Variants in COL9A2 observed in about 807,000 individuals in gnomAD.
The protein encoded by COL9A2 is collagen type IX alpha 2 chain, also known as collagen alpha-2(IX) chain.
In COL9A2, 66 loss-of-function variants were observed where a neutral mutation model predicts 111.6. The ratio of observed to expected loss-of-function variants is 0.59; its 90% CI spans 0.48 to 0.73. The LOEUF (loss-of-function observed/expected upper bound fraction) is 0.73, where lower values mean the gene tolerates loss of function less well. Ranked by LOEUF, COL9A2 falls within the 30% of genes least tolerant of loss-of-function variation. The pLI, the probability that COL9A2 is intolerant of heterozygous loss-of-function variation, is 0.00. For missense variants in COL9A2, 881 were observed against 954.1 expected (o/e 0.92, Z 1.01); for synonymous variants, 353 against 364.1 (o/e 0.97, Z 0.35).
At chr1:40,304,742 T>C (rs369750252) in intron 22 of COL9A2, 52 bp downstream of exon 22, 1 of 1,504,178 alleles carries the variant, frequency 6.6e-7, no homozygotes, top group African/African-American at 1.4e-5. Flanking sequence ...TATCCAGCAG[T>C]GCCAGCTGCC....
rs748275707 is a variant in COL9A2, at chr1:40,305,699, T to A, written c.1107+16A>T. ...CCTAAAGCAGGAACCCTTGTGTCAG[T>A]GCAGGGGGCATTTACCTCTTTCCCA... On this transcript the variant is annotated intron_variant, in intron 21 of 31. Coordinates refer to ENST00000372748, the MANE Select transcript of COL9A2 (RefSeq NM_001852.4). 6 of 1,613,346 alleles carry A rather than the reference T, an allele frequency of 3.7e-6. No homozygotes were observed. The South Asian group carries it at 5.5e-5, about 15-fold the overall frequency.
At position 40,301,198 on chromosome 1, in the gene COL9A2, G is replaced by T. The variant is rs761675654; in HGVS notation, c.2054C>A (p.Ser685Tyr). ...YASARLTEPG[S>Y]IKGP ...GCCTGATGCTCAAGGCCCCTTGATG[G>T]ATCCAGGCTCTGTAAGGCGGGCAGA... The change falls in exon 32 of 32, where the codon TCC (serine) becomes TAC (tyrosine). Residue 685 changes from serine (S) to tyrosine (Y), a missense_variant. By Grantham distance (144) the Ser-to-Tyr change is moderately radical. Coordinates refer to ENST00000372748, the MANE Select transcript of COL9A2 (RefSeq NM_001852.4). 5.6e-6 allele frequency: 9 copies of T among 1,613,692 alleles called. No homozygotes were observed. The South Asian group carries it at 9.9e-5, about 18-fold the overall frequency.
At position 40,303,865 on chromosome 1, in the gene COL9A2, C is replaced by G. The variant is rs1365606717; in HGVS notation, c.1369-26G>C. 1.9e-6 allele frequency: 3 copies of G among 1,549,808 alleles called. No individual in the cohort carries two copies. The highest frequency in any genetic ancestry group is 2.4e-5 in the East Asian group (1 of 41,108). ...CTGCAGGCACAAGGAGCAGCGGTCACGAAGCCGCGGGGACCCCGGGGCCAG... is the reference window on the plus strand; with the variant it reads ...CTGCAGGCACAAGGAGCAGCGGTCAGGAAGCCGCGGGGACCCCGGGGCCAG... On this transcript the variant is annotated intron_variant, in intron 26 of 31. Coordinates refer to ENST00000372748, the MANE Select transcript of COL9A2 (RefSeq NM_001852.4). This position sits in a 1 kb window ranked among gnomAD's most constrained non-coding sequence, Gnocchi z 4.6.
At position 40,311,557 on chromosome 1, in the gene COL9A2, G is replaced by T. The variant is rs372390684; in HGVS notation, c.472-10C>A. Reference sequence around the variant, plus strand: ...TGGTTCCCGGGCGACCCTGAGAGGAGACATGAAGATGGAGCTTGGCCTGAC... The same window carrying T: ...TGGTTCCCGGGCGACCCTGAGAGGATACATGAAGATGGAGCTTGGCCTGAC... On this transcript the variant is annotated splice_polypyrimidine_tract_variant and intron_variant, in intron 9 of 31. Coordinates refer to ENST00000372748, the MANE Select transcript of COL9A2 (RefSeq NM_001852.4). This position sits in a 1 kb window ranked among gnomAD's most constrained non-coding sequence, Gnocchi z 5.1. The T allele has an allele frequency of 2.0e-5, 33 of 1,613,780 alleles. No individual in the cohort carries two copies. The highest frequency in any genetic ancestry group is 2.5e-5 in the Non-Finnish European group (30 of 1,179,966).
Position 40,317,218 on chromosome 1 carries a change from G to C in COL9A2, c.-21C>G. 6.4e-7 allele frequency: 1 copy of C among 1,559,054 alleles called. No homozygotes were observed. Among genetic ancestry groups the C allele is most frequent in the Non-Finnish European group, 8.7e-7 (1 of 1,151,164 alleles). On this transcript the variant is annotated 5_prime_UTR_variant, in exon 1 of 32. Transcript: ENST00000372748. This position sits in a 1 kb window ranked among gnomAD's most constrained non-coding sequence, Gnocchi z 4.3. ...GCCATGGCTGGCGGCGAGACCAAGG[G>C]GGACGGGTGCGTGTCCGCGCACGCA...
At chr1:40,305,057 C>CT (rs1644002903) in intron 21 of COL9A2, 5 of 278,366 alleles carry the variant, frequency 1.8e-5, no homozygotes, top group Non-Finnish European at 2.0e-5. Flanking sequence ...TCATTTCTTT[C>CT]TTTCTTTTTT....
Position 40,303,079 on chromosome 1 carries a change from G to C in COL9A2, c.1603+52C>G, listed in dbSNP as rs1643940116. On this transcript the variant is annotated intron_variant, in intron 29 of 31. Coordinates refer to ENST00000372748, the MANE Select transcript of COL9A2 (RefSeq NM_001852.4). The surrounding 1 kb of genome is among the most constrained non-coding windows in gnomAD (Gnocchi z 4.6). ...ACGTGGAGGCTCCGGGAGGGGGTGA[G>C]GGGGCGGCGATGCCCTCGAACTGAC... 1 of 1,568,972 alleles carries C rather than the reference G, an allele frequency of 6.4e-7. No individual in the cohort carries two copies. The highest frequency in any genetic ancestry group is 2.3e-5 in the East Asian group (1 of 43,676).
In COL9A2 at chr1:40,301,290, C is replaced by G; in HGVS notation, c.1962G>C (p.Leu654=). The G allele has an allele frequency of 6.2e-7, 1 of 1,613,002 alleles. No homozygotes were observed. The highest frequency in any genetic ancestry group is 8.5e-7 in the Non-Finnish European group (1 of 1,179,416). Reference sequence around the variant, plus strand: ...AGCCCGGCAGCCCCACGGGGCCTGGCAGGCCAGGTCGACCTGCCTCTCCTG... The same window carrying G: ...AGCCCGGCAGCCCCACGGGGCCTGGGAGGCCAGGTCGACCTGCCTCTCCTG... ...GAPGEAGRPG[L]PGPVGLPGFC... is the part of the protein sequence containing the mutation. The change falls in exon 32 of 32, where the codon CTG becomes CTC. Residue 654 remains leucine (L), a synonymous_variant. Transcript: ENST00000372748.
In COL9A2 at chr1:40,317,276, G is replaced by A; in HGVS notation, c.-79C>T. 4 of 1,085,848 alleles carry A rather than the reference G, an allele frequency of 3.7e-6. No individual in the cohort carries two copies. The highest frequency in any genetic ancestry group is 4.1e-6 in the Non-Finnish European group (3 of 734,540). 67.3% of individuals were successfully genotyped at this position (1,085,848 alleles called of 1,614,324 possible). A position where few individuals can be genotyped will look rare whatever the true frequency, so the allele number is the denominator to read the frequency against. On this transcript the variant is annotated 5_prime_UTR_variant, in exon 1 of 32. Coordinates refer to ENST00000372748, the MANE Select transcript of COL9A2 (RefSeq NM_001852.4). The surrounding 1 kb of genome is among the most constrained non-coding windows in gnomAD (Gnocchi z 4.3). The stretch of plus-strand genomic sequence containing the variant: ...CAGAGTCTCCCGGCGCTCCTCCAGC[G>A]CTGGCTGTTCGCGGGCAGGGTGGGC...
chr1:40,316,614 A>C lies in COL9A2; in HGVS notation c.75+509T>G. ...GCGCCCCGCAGGCGAGCTCGAAACC[A>C]CACCCAGCACCCGACCGGGCCCAGT... On this transcript the variant is annotated intron_variant, in intron 1 of 31. Coordinates refer to ENST00000372748, the MANE Select transcript of COL9A2 (RefSeq NM_001852.4). The surrounding 1 kb of genome is among the most constrained non-coding windows in gnomAD (Gnocchi z 5.5). The C allele has an allele frequency of 2.2e-6, 1 of 455,246 alleles. No individual in the cohort carries two copies. Among genetic ancestry groups the C allele is most frequent in the Non-Finnish European group, 4.4e-6 (1 of 226,146 alleles). 28.2% of individuals were successfully genotyped at this position (455,246 alleles called of 1,614,324 possible).
intron 21 of COL9A2, 44 bp downstream of exon 21, chr1:40,305,671 C>T (rs1644017346): frequency 6.3e-7 from 1 of 1,583,608 alleles, no homozygotes; most frequent in African/African-American, 1.3e-5. Flanking sequence ...CCCATGGCCT[C>T]ACCCTAAAGC....
intron 2 of COL9A2, 154 bp downstream of exon 2, chr1:40,315,436 C>G: frequency 6.9e-7 from 1 of 1,442,156 alleles, no homozygotes; most frequent in South Asian, 1.5e-5. Flanking sequence ...GCAGAACAAA[C>G]GGCGTCCTTG....
rs1304961493 is a variant in COL9A2 at position 40,316,992 on chromosome 1, C to T, written c.75+131G>A. ...TATGCACCCACCGAGGGGACCTGCC[C>T]GCGGCGCTGTCCTCAGGTGGCCTCT... On this transcript the variant is annotated intron_variant, in intron 1 of 31. Transcript: ENST00000372748. The surrounding 1 kb of genome is among the most constrained non-coding windows in gnomAD (Gnocchi z 5.5). 1.1e-6 allele frequency: 1 copy of T among 894,106 alleles called. No homozygotes were observed. 55.4% of individuals were successfully genotyped at this position (894,106 alleles called of 1,614,324 possible).
Position 40,310,424 on chromosome 1 carries a change from A to G in COL9A2, c.685-107T>C. Reference sequence around the variant, plus strand: ...ACAGTGCCCTTTTGAGGTAGGCAGCAGAGTCTCTGTCTCATGGATGGGACA... The same window carrying G: ...ACAGTGCCCTTTTGAGGTAGGCAGCGGAGTCTCTGTCTCATGGATGGGACA... On this transcript the variant is annotated intron_variant, in intron 13 of 31. Coordinates refer to ENST00000372748, the MANE Select transcript of COL9A2 (RefSeq NM_001852.4). The surrounding 1 kb of genome is among the most constrained non-coding windows in gnomAD (Gnocchi z 4.9). 1.7e-6 allele frequency: 2 copies of G among 1,158,940 alleles called. No individual in the cohort carries two copies. Among genetic ancestry groups the G allele is most frequent in the Non-Finnish European group, 2.6e-6 (2 of 778,762 alleles). The allele number at this position is 1,158,940 out of a possible 1,614,324, so 71.8% of individuals were successfully genotyped here.
intron 2 of COL9A2, chr1:40,315,291 T>C (rs1243552959): frequency 1.6e-6 from 2 of 1,222,774 alleles, no homozygotes. Flanking sequence ...AGTCGCCTCC[T>C]ACCCCACAAG....
chr1:40,304,715 G>A, intron 22 of COL9A2, 79 bp downstream of exon 22: 1 of 1,444,030 alleles, frequency 6.9e-7, no homozygotes, highest in Non-Finnish European at 9.5e-7. Flanking sequence ...CTCACGGGCT[G>A]CACGGAGCAG....
At position 40,301,224 on chromosome 1, in the gene COL9A2, G is replaced by A. The variant is rs1161233414; in HGVS notation, c.2028C>T (p.Ala676=). Residue 676 remains alanine, a synonymous_variant, in exon 32 of 32, where the codon GCC becomes GCT. Coordinates refer to ENST00000372748, the MANE Select transcript of COL9A2 (RefSeq NM_001852.4). ...PAACLGASAY[A]SARLTEPGSI... ...ATCCAGGCTCTGTAAGGCGGGCAGAGGCATAGGCCGAAGCTCCAAGGCAGG... is the reference window on the plus strand; with the variant it reads ...ATCCAGGCTCTGTAAGGCGGGCAGAAGCATAGGCCGAAGCTCCAAGGCAGG... The A allele has an allele frequency of 1.2e-6, 2 of 1,614,086 alleles. No individual in the cohort carries two copies. The highest frequency in any genetic ancestry group is 1.7e-5 in the Admixed American group (1 of 60,030).
In COL9A2 at chr1:40,300,946, C is replaced by T. The variant is rs41480445; in HGVS notation, c.*236G>A. On this transcript the variant is annotated 3_prime_UTR_variant, in exon 32 of 32. Coordinates refer to ENST00000372748, the MANE Select transcript of COL9A2 (RefSeq NM_001852.4). This position sits in a 1 kb window ranked among gnomAD's most constrained non-coding sequence, Gnocchi z 4.4. ...AAGGAAAGCCGCCCTATTCCTTCAG[C>T]GCTTCGACTCCATCGACACCACTTG... 0.016 allele frequency: 8,781 copies of T among 535,994 alleles called. 623 individuals are homozygous for T. The highest frequency in any genetic ancestry group is 0.15 in the African/African-American group (7,881 of 52,830). The allele number at this position is 535,994 out of a possible 1,614,324, so 33.2% of individuals were successfully genotyped here.
Position 40,316,379 on chromosome 1 carries a change from C to T in COL9A2, c.76-715G>A, listed in dbSNP as rs1644219085. On this transcript the variant is annotated intron_variant, in intron 1 of 31. Transcript: ENST00000372748. The surrounding 1 kb of genome is among the most constrained non-coding windows in gnomAD (Gnocchi z 5.5). ...CCTCTCTCTGGATCCCGTTTGCCTG[C>T]AATTCAATGCCCCTGGGTGGGTGTG... Among the ~76,000 whole-genome samples, 1 of 152,202 alleles carries T rather than the reference C, an allele frequency of 6.6e-6. No individual in the cohort carries two copies. Among genetic ancestry groups the T allele is most frequent in the Non-Finnish European group, 1.5e-5 (1 of 68,026 alleles).
Sources: gnomAD v4.1 joint callset for allele counts (sites outside exome capture counted in the v4.1 genomes callset) on GRCh38, gnomAD v4.1.1 for gene constraint, Gnocchi (gnomAD v3.1) non-coding constraint, MANE v1.5 for transcripts, NCBI Gene and HGNC (gene_info 2026-07-23, HGNC 2026-07-21) for gene names.